CEP104: variants seen among roughly 807,000 people sequenced by gnomAD.
The protein encoded by CEP104 is centrosomal protein of 104 kDa.
A neutral mutation model predicts 113.3 loss-of-function variants in CEP104; 84 were observed. The observed-to-expected ratio is 0.74, with a 90% CI of 0.62 to 0.89. CEP104 has a LOEUF of 0.89. CEP104 is among the 40% of genes least tolerant of loss of function. The pLI, the probability that CEP104 is intolerant of heterozygous loss-of-function variation, is 0.00. For synonymous variants in CEP104, 378 were observed against 421.7 expected, an observed-to-expected ratio of 0.90 and a Z score of 1.27; for missense variants, 1,053 against 1,156.6, an observed-to-expected ratio of 0.91 and a Z score of 1.30.
intron 7 of CEP104, 63 bp downstream of exon 7, chr1:3,839,545 T>C: frequency 3.5e-6 from 5 of 1,421,376 alleles, no homozygotes; most frequent in African/African-American, 1.4e-5. Context: ...ATGTAGTTAT[T>C]CTAAGTATAC....
chr1:3,846,865 CAT>C (rs1007694587), intron 4 of CEP104, among the ~76,000 whole-genome samples: 8 of 151,798 alleles, frequency 5.3e-5, no homozygotes, highest in African/African-American at 1.9e-4. Flanking sequence ...CTACACTAAT[CAT>C]GTGAGAAAAA....
chr1:3,824,844 G>A (rs1471540385), intron 18 of CEP104, among the ~76,000 whole-genome samples: 3 of 149,500 alleles, frequency 2.0e-5, no homozygotes, highest in African/African-American at 7.4e-5. Flanking sequence ...CAGTGGCACC[G>A]TGGGAAGGGA....
chr1:3,840,770 C>A (rs1026029031), intron 6 of CEP104, among the ~76,000 whole-genome samples: 1 of 152,136 alleles, frequency 6.6e-6, no homozygotes, highest in Non-Finnish European at 1.5e-5. Context: ...GAACTCCTGA[C>A]GTCAGATGAC....
intron 20 of CEP104, among the ~76,000 whole-genome samples, chr1:3,820,004 G>T (rs1053891723): frequency 6.6e-6 from 1 of 152,280 alleles, no homozygotes; most frequent in East Asian, 1.9e-4. Context: ...GCTGACAGAT[G>T]AGAATGAAGC....
rs745563257 is a variant in CEP104, at chr1:3,837,378, G to C, written c.1033C>G (p.Pro345Ala). The change falls in exon 9 of 22, where the codon CCT becomes GCT. Residue 345 changes from proline (P) to alanine (A), a missense_variant. Coordinates refer to ENST00000378230, the MANE Select transcript of CEP104 (RefSeq NM_014704.4). ...QFAEPFLQEK[P>A]SSYSLTISPQ... The stretch of plus-strand genomic sequence containing the variant: ...GAAATAGTTAGAGAATATGATGAAG[G>C]CTTTTCCTGAAGGAAAGGTTCTGCA... The C allele has an allele frequency of 3.7e-6, 6 of 1,613,988 alleles. No individual in the cohort carries two copies. Among genetic ancestry groups the C allele is most frequent in the East Asian group, 4.5e-5 (2 of 44,904 alleles).
rs1415816228 is a variant in CEP104, at chr1:3,812,351, T to C, written c.*3051A>G. 6.6e-6 allele frequency: 1 copy of C among 152,170 alleles called. No individual in the cohort carries two copies. The allele number at this position is 152,170 out of a possible 1,614,324, so 9.4% of individuals were successfully genotyped here. On this transcript the variant is annotated 3_prime_UTR_variant, in exon 22 of 22. Transcript: ENST00000378230. ...CATATGAAAATAATAGAAATAAATA[T>C]TAAATATTCAGAACATACTCATGAG...
intron 12 of CEP104, among the ~76,000 whole-genome samples, chr1:3,832,680 G>C (rs1201420686): frequency 6.6e-6 from 1 of 152,060 alleles, no homozygotes; most frequent in Non-Finnish European, 1.5e-5. Context: ...TTGGAGAAAT[G>C]ACCCCTTTGG....
chr1:3,830,459 C>G (rs72640913), intron 13 of CEP104, among the ~76,000 whole-genome samples: 34,096 of 152,074 alleles, frequency 0.22, 4,179 homozygotes, highest in Non-Finnish European at 0.27. Context: ...CTGATATTCT[C>G]CATCACACTG....
chr1:3,830,901 C>A (rs1394727363), intron 13 of CEP104, 145 bp downstream of exon 13: 3 of 805,762 alleles, frequency 3.7e-6, no homozygotes, highest in Non-Finnish European at 5.7e-6. Context: ...TGGGGGCCCC[C>A]ATTTGTTGGA....
At chr1:3,848,059 T>C (rs1168342941) in intron 3 of CEP104, among the ~76,000 whole-genome samples, 1 of 152,168 alleles carries the variant, frequency 6.6e-6, no homozygotes, top group Non-Finnish European at 1.5e-5. Flanking sequence ...GGTCATCTAA[T>C]TAGCATTCTT....
rs1644015944 is a variant in CEP104 at position 3,823,274 on chromosome 1, CT to C, written c.2504-34del. The C allele has an allele frequency of 1.9e-6, 3 of 1,613,634 alleles. No homozygotes were observed. Among genetic ancestry groups the C allele is most frequent in the Non-Finnish European group, 2.5e-6 (3 of 1,179,524 alleles). The stretch of plus-strand genomic sequence containing the variant: ...GATTTTAAAAAGACTCAGTCGCTCC[CT>C]GAATGACAGGCGACAAGACATGCTG... On this transcript the variant is annotated intron_variant, in intron 19 of 21. Transcript: ENST00000378230. This position sits in a 1 kb window ranked among gnomAD's most constrained non-coding sequence, Gnocchi z 4.1.
chr1:3,816,604 G>A, intron 20 of CEP104: 1 of 481,044 alleles, frequency 2.1e-6, no homozygotes, highest in Non-Finnish European at 3.7e-6. Flanking sequence ...AGGCAAGCCT[G>A]CATCTCGCAT....
rs186497481 is a variant in CEP104 at position 3,846,501 on chromosome 1, C to T, written c.426+974G>A. 2.6e-4 allele frequency among the ~76,000 whole-genome samples: 39 copies of T among 152,146 alleles called. 1 individual carries two copies. The East Asian group carries it at 6.0e-3, about 23-fold the overall frequency. On this transcript the variant is annotated intron_variant, in intron 4 of 21. Transcript: ENST00000378230. ...AGGGCACATATATTATCATTCATGACGAGATTATCTGAACATAAGGACAAT... is the reference window on the plus strand; with the variant it reads ...AGGGCACATATATTATCATTCATGATGAGATTATCTGAACATAAGGACAAT...
At position 3,829,829 on chromosome 1, in the gene CEP104, C is replaced by T. The variant is rs761349278; in HGVS notation, c.2005G>A (p.Ala669Thr). ...TCTGTAGCTCTGCCATCTATTTTAG[C>T]AAATCCCTCAAAAATTGTTTTGTAG... ...ILYKTIFEGF[A>T]KIDGRATDAE... The change falls in exon 14 of 22, where the codon GCT becomes ACT. Residue 669 changes from alanine to threonine, a missense_variant. Physicochemically the swap from Ala to Thr is moderately conservative, Grantham distance 58 (BLOSUM62 0). Coordinates refer to ENST00000378230, the MANE Select transcript of CEP104 (RefSeq NM_014704.4). The T allele has an allele frequency of 1.4e-5, 22 of 1,614,212 alleles. No homozygotes were observed. Among genetic ancestry groups the T allele is most frequent in the Non-Finnish European group, 1.9e-5 (22 of 1,180,032 alleles).
Position 3,848,026 on chromosome 1 carries a change from G to A in CEP104, c.288-413C>T, listed in dbSNP as rs547898274. ...ATTTTTGTATTTTCAGTAGAGACAC[G>A]GTTTCACCATGTTGGCCAGATTGGT... is the stretch of plus-strand genomic sequence containing the variant. On this transcript the variant is annotated intron_variant, in intron 3 of 21. Coordinates refer to ENST00000378230, the MANE Select transcript of CEP104 (RefSeq NM_014704.4). Among the ~76,000 whole-genome samples the A allele has an allele frequency of 1.3e-5, 2 of 152,162 alleles. 1 individual carries two copies. Among genetic ancestry groups the A allele is most frequent in the South Asian group, 4.1e-4 (2 of 4,820 alleles).
At chr1:3,822,100 G>A (rs1643986729) in intron 20 of CEP104, among the ~76,000 whole-genome samples, 1 of 152,222 alleles carries the variant, frequency 6.6e-6, no homozygotes, top group African/African-American at 2.4e-5. Context: ...GTGGGGGCAC[G>A]GGAGAAACAA....
Position 3,825,801 on chromosome 1 carries a change from C to T in CEP104, c.2321G>A (p.Trp774Ter). 12 of 1,614,078 alleles carry T rather than the reference C, an allele frequency of 7.4e-6. No individual in the cohort carries two copies. Among genetic ancestry groups the T allele is most frequent in the Non-Finnish European group, 1.0e-5 (12 of 1,179,906 alleles). The change falls in exon 18 of 22, where the codon TGG becomes TAG. Residue 774 changes from tryptophan to a stop codon, truncating the protein, a stop_gained. Coordinates refer to ENST00000378230, the MANE Select transcript of CEP104 (RefSeq NM_014704.4). LOFTEE classifies it high-confidence loss of function. ...FTEEGLDLHY[W>*]KHCLMLTRCD... ...TCTTGTCAGCATGAGACAGTGCTTC[C>T]AGTAGTGGAGATCCAGACCTTCCTC...
At chr1:3,836,797 A>C in intron 9 of CEP104, 105 bp from the exon 10 acceptor site, 1 of 898,948 alleles carries the variant, frequency 1.1e-6, no homozygotes, top group South Asian at 1.6e-5. Context: ...ACCTGATCTG[A>C]AAGATGTTAT....
Position 3,823,001 on chromosome 1 carries a change from A to G in CEP104, c.2571+173T>C. On this transcript the variant is annotated intron_variant, in intron 20 of 21. Transcript: ENST00000378230. The surrounding 1 kb of genome is among the most constrained non-coding windows in gnomAD (Gnocchi z 4.1). Reference sequence around the variant, plus strand: ...ACGGAAGGAAATCATGTGAACACGTAGGTAAACGGAACGACTGCTCAGACA... The same window carrying G: ...ACGGAAGGAAATCATGTGAACACGTGGGTAAACGGAACGACTGCTCAGACA... 1.5e-6 allele frequency: 1 copy of G among 650,748 alleles called. No homozygotes were observed. The highest frequency in any genetic ancestry group is 2.7e-6 in the Non-Finnish European group (1 of 364,538). The allele number at this position is 650,748 out of a possible 1,614,324, so 40.3% of individuals were successfully genotyped here. A position where few individuals can be genotyped will look rare whatever the true frequency, so the allele number is the denominator to read the frequency against.
Sources: gnomAD v4.1 joint callset for allele counts (sites outside exome capture counted in the v4.1 genomes callset) on GRCh38, gnomAD v4.1.1 for gene constraint, Gnocchi (gnomAD v3.1) non-coding constraint, MANE v1.5 for transcripts, NCBI Gene and HGNC (gene_info 2026-07-23, HGNC 2026-07-21) for gene names.